The following ZNF425 variants were observed in gnomAD, a reference collection of about 807,000 sequenced individuals.
ZNF425 encodes zinc finger protein 425.
Under a neutral mutation model 17.0 loss-of-function variants are expected in ZNF425, and 21 were observed. That is an observed-to-expected ratio of 1.23 (90% confidence interval 0.88 to 1.78). The LOEUF is 1.78. Ranked by LOEUF, ZNF425 falls within the 40% of genes most tolerant of loss-of-function variation. ZNF425 has a pLI of 0.00. For missense variants in ZNF425, 868 were observed against 967.3 expected, an observed-to-expected ratio of 0.90 and a Z score of 1.36; for synonymous variants, 433 against 384.1, an observed-to-expected ratio of 1.13 and a Z score of -1.49.
intron 2 of ZNF425, chr7:149,113,220 C>T (rs1161287105): frequency 6.6e-6 from 1 of 151,912 alleles, no homozygotes; most frequent in Non-Finnish European, 1.5e-5. Context: ...AGAGATCCAC[C>T]CACCTCAGCT....
intron 1 of ZNF425, among the ~76,000 whole-genome samples, chr7:149,120,239 G>A (rs573783893): frequency 3.3e-5 from 5 of 152,174 alleles, no homozygotes; most frequent in South Asian, 4.2e-4. Flanking sequence ...AAAGTTAGCC[G>A]GGCATTGTGG....
At chr7:149,124,883 A>G (rs112495563) in intron 1 of ZNF425, among the ~76,000 whole-genome samples, 5,536 of 152,290 alleles carry the variant, frequency 0.036, 328 homozygotes, top group African/African-American at 0.13. Context: ...TTATGACCAC[A>G]TTTACAATTA....
At position 149,103,593 on chromosome 7, in the gene ZNF425, G is replaced by T; in HGVS notation, c.*19C>A. On this transcript the variant is annotated 3_prime_UTR_variant, in exon 4 of 4. Coordinates refer to ENST00000378061, the MANE Select transcript of ZNF425 (RefSeq NM_001001661.3). ...GGCACCTCCTGAAAGCCGACTGCGT[G>T]ACTGCTGCATGGCCTGACCTAGAGG... The T allele has an allele frequency of 6.4e-7, 1 of 1,561,318 alleles. No homozygotes were observed. Among genetic ancestry groups the T allele is most frequent in the South Asian group, 1.2e-5 (1 of 81,548 alleles).
chr7:149,104,605 A>G lies in ZNF425; in HGVS notation c.1266T>C (p.Ser422=). ...KPFSCPECNK[S]FRLKRSLKAH... ...CTTTCAGGCTTCTCTTGAGGCGGAA[A>G]CTTTTGTTACACTCGGGACACGAAA... Residue 422 remains serine (S), a synonymous_variant, in exon 4 of 4, where the codon AGT becomes AGC. Coordinates refer to ENST00000378061, the MANE Select transcript of ZNF425 (RefSeq NM_001001661.3). The surrounding 1 kb of genome is among the most constrained non-coding windows in gnomAD (Gnocchi z 4.3). 1.2e-6 allele frequency: 2 copies of G among 1,613,306 alleles called. No homozygotes were observed. The highest frequency in any genetic ancestry group is 2.2e-5 in the South Asian group (2 of 91,032).
chr7:149,107,811 G>C (rs537879077), intron 3 of ZNF425, among the ~76,000 whole-genome samples: 1 of 150,634 alleles, frequency 6.6e-6, no homozygotes, highest in Admixed American at 6.7e-5. Context: ...AAGTCTTGTC[G>C]AACTGGATAA....
intron 3 of ZNF425, among the ~76,000 whole-genome samples, chr7:149,111,784 A>G (rs1425514763): frequency 1.3e-5 from 2 of 151,352 alleles, no homozygotes; most frequent in African/African-American, 2.4e-5. Context: ...CGTTCAAACA[A>G]TTCTCCTGCC....
chr7:149,106,933 C>T, intron 3 of ZNF425, among the ~76,000 whole-genome samples: 1 of 151,940 alleles, frequency 6.6e-6, no homozygotes, highest in Non-Finnish European at 1.5e-5. Context: ...ATGGTGAAAC[C>T]CTGTCTCTAC....
chr7:149,105,564 C>G lies in ZNF425; in HGVS notation c.307G>C (p.Asp103His). 1 of 1,506,448 alleles carries G rather than the reference C, an allele frequency of 6.6e-7. No individual in the cohort carries two copies. The highest frequency in any genetic ancestry group is 8.8e-7 in the Non-Finnish European group (1 of 1,132,372). 93.3% of individuals were successfully genotyped at this position (1,506,448 alleles called of 1,614,324 possible). A position where few individuals can be genotyped will look rare whatever the true frequency, so the allele number is the denominator to read the frequency against. Residue 103 changes from aspartate (D) to histidine (H), a missense_variant and splice_region_variant, in exon 4 of 4, where the codon GAC (aspartate) becomes CAC (histidine). Asp to His is a moderately conservative substitution (Grantham distance 81). Transcript: ENST00000378061. ...KNTGKLLCFD[D>H]EGTPRTKEED... Reference sequence around the variant, plus strand: ...TCTTTTGTCCTGGGAGTTCCTTCGTCATCTGGAGCAGAAAGAAGTATCACT... The same window carrying G: ...TCTTTTGTCCTGGGAGTTCCTTCGTGATCTGGAGCAGAAAGAAGTATCACT...
chr7:149,109,415 TG>T (rs1487663601), intron 3 of ZNF425, among the ~76,000 whole-genome samples: 1 of 152,162 alleles, frequency 6.6e-6, no homozygotes. Context: ...GATTTGTTCC[TG>T]TCTTTGAGCT....
At chr7:149,107,948 C>T (rs1407651598) in intron 3 of ZNF425, among the ~76,000 whole-genome samples, 1 of 151,918 alleles carries the variant, frequency 6.6e-6, no homozygotes, top group Non-Finnish European at 1.5e-5. Context: ...TCACTGCAGC[C>T]TTGACCTCCA....
Position 149,105,456 on chromosome 7 carries a change from G to T in ZNF425, c.415C>A (p.Gln139Lys). 6.5e-7 allele frequency: 1 copy of T among 1,534,322 alleles called. No homozygotes were observed. The change falls in exon 4 of 4, where the codon CAA becomes AAA. Residue 139 changes from glutamine (Q) to lysine (K), a missense_variant. Coordinates refer to ENST00000378061, the MANE Select transcript of ZNF425 (RefSeq NM_001001661.3). ...CTTGGAGACTGGAAGGTGGCTGTTTGAGCTAATAAAATCTTTCTCTCTTTC... is the reference window on the plus strand; with the variant it reads ...CTTGGAGACTGGAAGGTGGCTGTTTTAGCTAATAAAATCTTTCTCTCTTTC... The part of the protein sequence containing the change: ...RGKERKILLA[Q>K]TATFQSPSLR...
At position 149,104,874 on chromosome 7, in the gene ZNF425, G is replaced by GACACTGGAAGGGCTTCTCTCCGC. The variant is rs756989633; in HGVS notation, c.974_996dup (p.Pro333AlafsTer17). 3.1e-6 allele frequency: 5 copies of GACACTGGAAGGGCTTCTCTCCGC among 1,613,616 alleles called. No individual in the cohort carries two copies. Among genetic ancestry groups the GACACTGGAAGGGCTTCTCTCCGC allele is most frequent in the South Asian group, 2.2e-5 (2 of 91,020 alleles). On this transcript the variant is annotated frameshift_variant, in exon 4 of 4. Transcript: ENST00000378061. LOFTEE classifies it low-confidence loss of function (END_TRUNC). The surrounding 1 kb of genome is among the most constrained non-coding windows in gnomAD (Gnocchi z 4.3). ...AGGCGGAAGCACCGGTCACACTGCG[G>GACACTGGAAGGGCTTCTCTCCGC]ACACTGGAAGGGCTTCTCTCCGCTG... is the stretch of plus-strand genomic sequence containing the variant.
chr7:149,108,313 A>G (rs1166310885), intron 3 of ZNF425, among the ~76,000 whole-genome samples: 1 of 152,182 alleles, frequency 6.6e-6, no homozygotes, highest in Non-Finnish European at 1.5e-5. Context: ...GAGGACTCTC[A>G]TTATGCTCTG....
Position 149,104,806 on chromosome 7 carries a change from C to T in ZNF425, c.1065G>A (p.Lys355=), listed in dbSNP as rs1289015960. The T allele has an allele frequency of 6.2e-7, 1 of 1,613,844 alleles. No homozygotes were observed. Among genetic ancestry groups the T allele is most frequent in the South Asian group, 1.1e-5 (1 of 91,074 alleles). The part of the protein sequence containing the change: ...MKVHLTQHSG[K]RPFHCPECGR... The stretch of plus-strand genomic sequence containing the variant: ...CACACTCGGGACAGTGGAAGGGCCT[C>T]TTCCCGCTGTGCTGGGTCAGATGGA... The change falls in exon 4 of 4, where the codon AAG becomes AAA. Residue 355 remains lysine, a synonymous_variant. Transcript: ENST00000378061. The surrounding 1 kb of genome is among the most constrained non-coding windows in gnomAD (Gnocchi z 4.3).
At chr7:149,123,180 TC>T (rs1339939007) in intron 1 of ZNF425, among the ~76,000 whole-genome samples, 1 of 152,196 alleles carries the variant, frequency 6.6e-6, no homozygotes, top group Non-Finnish European at 1.5e-5. Context: ...GGGCGGCTCT[TC>T]CTGGGTGTTT....
intron 2 of ZNF425, among the ~76,000 whole-genome samples, chr7:149,113,840 C>T (rs138249362): frequency 0.045 from 6,812 of 150,878 alleles, 518 homozygotes; most frequent in African/African-American, 0.16. Flanking sequence ...CGTGAGCCAC[C>T]GCACCTGGCC....
intron 1 of ZNF425, among the ~76,000 whole-genome samples, chr7:149,123,112 G>A (rs1431675357): frequency 6.6e-6 from 1 of 152,204 alleles, no homozygotes; most frequent in Non-Finnish European, 1.5e-5. Context: ...ATGTCTGCAA[G>A]CCATGATTGG....
intron 3 of ZNF425, among the ~76,000 whole-genome samples, chr7:149,109,235 G>A (rs1192019521): frequency 2.6e-5 from 4 of 151,826 alleles, no homozygotes; most frequent in South Asian, 2.1e-4. Flanking sequence ...CTGCCACCAC[G>A]CCTGGCTAAT....
At chr7:149,126,149 G>C in intron 1 of ZNF425, 47 bp downstream of exon 1, 1 of 1,612,734 alleles carries the variant, frequency 6.2e-7, no homozygotes, top group East Asian at 2.2e-5. Context: ...GCTGCGACAG[G>C]GACCCGAGTT....
Sources: gnomAD v4.1 joint callset for allele counts (sites outside exome capture counted in the v4.1 genomes callset) on GRCh38, gnomAD v4.1.1 for gene constraint, Gnocchi (gnomAD v3.1) non-coding constraint, MANE v1.5 for transcripts, NCBI Gene and HGNC (gene_info 2026-07-23, HGNC 2026-07-21) for gene names.